The following SDK2 variants were observed in gnomAD, a reference collection of about 807,000 sequenced individuals.
SDK2 encodes protein sidekick-2.
A neutral mutation model predicts 253.9 loss-of-function variants in SDK2; 105 were observed. That is an observed-to-expected ratio of 0.41 (90% CI 0.35 to 0.49). The LOEUF is 0.49. Ranked by LOEUF, SDK2 falls within the 20% of genes least tolerant of loss-of-function variation. The pLI is 0.06. For synonymous variants in SDK2, 1,249 were observed against 1,234.9 expected (o/e 1.01, Z -0.24); for missense variants, 2,608 against 3,003.0 (o/e 0.87, Z 3.07).
At chr17:73,408,552 A>G (rs1183451324) in intron 18 of SDK2, among the ~76,000 whole-genome samples, 1 of 152,194 alleles carries the variant, frequency 6.6e-6, no homozygotes, top group Non-Finnish European at 1.5e-5. Context: ...CAAAAAATCA[A>G]ACCTGAATCA....
intron 12 of SDK2, among the ~76,000 whole-genome samples, chr17:73,425,669 G>A (rs1599554886): frequency 6.6e-6 from 1 of 152,102 alleles, no homozygotes; most frequent in Non-Finnish European, 1.5e-5. Flanking sequence ...CACCACGCCC[G>A]ACTAATTTTG....
At position 73,423,956 on chromosome 17, in the gene SDK2, C is replaced by A; in HGVS notation, c.1720G>T (p.Ala574Ser). ...GCACTGCGAGAGTCGTTGCCTCCTG[C>A]TGAGATCACCCGGCAGGTGTACGTG... Reference protein sequence around the residue: ...IGTYTCRVISAGGNDSRSAHL... With the variant: ...IGTYTCRVISSGGNDSRSAHL... Residue 574 changes from alanine (A) to serine (S), a missense_variant, in exon 13 of 45, where the codon GCA (alanine) becomes TCA (serine). Coordinates refer to ENST00000392650, the MANE Select transcript of SDK2 (RefSeq NM_001144952.2). The A allele has an allele frequency of 1.1e-5, 17 of 1,603,224 alleles. No homozygotes were observed. Among genetic ancestry groups the A allele is most frequent in the Non-Finnish European group, 1.4e-5 (17 of 1,175,388 alleles).
In SDK2 at chr17:73,431,508, C is replaced by T. The variant is rs376227214; in HGVS notation, c.1474G>A (p.Val492Ile). ...GVDEASADLV[V>I]WARTRITKPP... ...TGTGGCTCTGCACACTCACCCCAAACGACTAGGTCTGCTGAGGCCTCATCG... is the reference window on the plus strand; with the variant it reads ...TGTGGCTCTGCACACTCACCCCAAATGACTAGGTCTGCTGAGGCCTCATCG... Residue 492 changes from valine to isoleucine, a missense_variant, in exon 11 of 45, where the codon GTT becomes ATT. By Grantham distance (29) the Val-to-Ile change is conservative (BLOSUM62 3). This residue lies in a region of SDK2 where 1,505 missense variants were observed against 1,859.1 expected (regional missense o/e 0.81). Coordinates refer to ENST00000392650, the MANE Select transcript of SDK2 (RefSeq NM_001144952.2). The surrounding 1 kb of genome is among the most constrained non-coding windows in gnomAD (Gnocchi z 5.6). 117 of 1,610,610 alleles carry T rather than the reference C, an allele frequency of 7.3e-5. No homozygotes were observed. The highest frequency in any genetic ancestry group is 1.7e-4 in the Middle Eastern group (1 of 6,054).
Position 73,397,983 on chromosome 17 carries a change from A to G in SDK2, c.3354+52T>C, listed in dbSNP as rs187740645. On this transcript the variant is annotated intron_variant, in intron 24 of 44. Coordinates refer to ENST00000392650, the MANE Select transcript of SDK2 (RefSeq NM_001144952.2). The stretch of plus-strand genomic sequence containing the variant: ...TCTGATGTGCACCTTCTAGGAGGCA[A>G]TGACCAGAAGCTCATGGAGAGGTCC... The G allele has an allele frequency of 1.3e-4, 209 of 1,592,404 alleles. No individual in the cohort carries two copies. In the African/African-American group the frequency reaches 2.5e-3, roughly 19 times the overall value.
At chr17:73,347,740 G>C (rs1269205337) in intron 44 of SDK2, among the ~76,000 whole-genome samples, 1 of 151,626 alleles carries the variant, frequency 6.6e-6, no homozygotes, top group Admixed American at 6.6e-5. Flanking sequence ...GGTGAGGGTG[G>C]GAAGCTGTAA....
At chr17:73,433,084 C>T (rs557488161) in intron 10 of SDK2, among the ~76,000 whole-genome samples, 7 of 152,174 alleles carry the variant, frequency 4.6e-5, no homozygotes, top group East Asian at 1.9e-4. Context: ...CCTGGGCTTT[C>T]GGACTCCCAG....
intron 18 of SDK2, among the ~76,000 whole-genome samples, chr17:73,409,079 T>C (rs1006626258): frequency 9.8e-5 from 15 of 152,326 alleles, no homozygotes; most frequent in African/African-American, 2.9e-4. Context: ...GGGGCAGAGA[T>C]GGAACATACC....
intron 15 of SDK2, among the ~76,000 whole-genome samples, chr17:73,421,147 T>G (rs1568395350): frequency 6.6e-6 from 1 of 152,248 alleles, no homozygotes; most frequent in East Asian, 1.9e-4. Flanking sequence ...GTTCATTCCC[T>G]GTCCTCCCTC....
At chr17:73,632,655 C>A (rs1421751618) in intron 1 of SDK2, among the ~76,000 whole-genome samples, 4 of 152,168 alleles carry the variant, frequency 2.6e-5, no homozygotes, top group Non-Finnish European at 5.9e-5. Flanking sequence ...ACACATCTGT[C>A]TTGTTAGTTT....
chr17:73,636,049 A>G (rs1237010349), intron 1 of SDK2, among the ~76,000 whole-genome samples: 2 of 152,150 alleles, frequency 1.3e-5, no homozygotes, highest in African/African-American at 2.4e-5. Context: ...GTCTTCAAAC[A>G]GTACAATTGT....
intron 16 of SDK2, among the ~76,000 whole-genome samples, chr17:73,418,641 A>G (rs1437283104): frequency 1.3e-5 from 2 of 152,236 alleles, no homozygotes; most frequent in African/African-American, 2.4e-5. Context: ...GAACTTATGA[A>G]TACCACATTT....
rs769023735 is a variant in SDK2, at chr17:73,481,052, C to T, written c.225-8834G>A. Among the ~76,000 whole-genome samples the T allele has an allele frequency of 1.8e-4, 28 of 152,186 alleles. No homozygotes were observed. Among genetic ancestry groups the T allele is most frequent in the Non-Finnish European group, 3.7e-4 (25 of 68,020 alleles). ...CCTGGCTGGGAGGCTACAGGGCCGC[C>T]ATTTGAAGGGGAGGCAGCAGCCTCA... On this transcript the variant is annotated intron_variant, in intron 2 of 44. Transcript: ENST00000392650. The surrounding 1 kb of genome is among the most constrained non-coding windows in gnomAD (Gnocchi z 4.5).
chr17:73,615,702 G>A (rs780248877), intron 1 of SDK2, among the ~76,000 whole-genome samples: 11 of 152,216 alleles, frequency 7.2e-5, no homozygotes, highest in Non-Finnish European at 1.2e-4. Flanking sequence ...TGGGAAGACA[G>A]AGTGATGCAC....
chr17:73,490,662 G>A (rs2063800078), intron 2 of SDK2, among the ~76,000 whole-genome samples: 1 of 150,662 alleles, frequency 6.6e-6, no homozygotes, highest in Admixed American at 6.7e-5. Flanking sequence ...CTACAGGCAT[G>A]CACCACCACA....
rs8076926 is a variant in SDK2 at position 73,472,092 on chromosome 17, T to C, written c.331+20A>G. 1,633 of 1,534,782 alleles carry C rather than the reference T, an allele frequency of 1.1e-3. 12 individuals carry two copies. In the African/African-American group the frequency reaches 0.019, roughly 18 times the overall value. ...GCACCACAGTCGCCCCCCCTGCCCC[T>C]GGGTCCCCATTGTACTCACAGGCCA... On this transcript the variant is annotated intron_variant, in intron 3 of 44. Transcript: ENST00000392650.
intron 1 of SDK2, among the ~76,000 whole-genome samples, chr17:73,510,273 G>T (rs1038201574): frequency 6.6e-6 from 1 of 152,112 alleles, no homozygotes; most frequent in African/African-American, 2.4e-5. Flanking sequence ...CTGCTGCACA[G>T]CACCCCCAAA....
intron 1 of SDK2, among the ~76,000 whole-genome samples, chr17:73,559,633 C>A (rs965082818): frequency 1.4e-5 from 2 of 142,922 alleles, no homozygotes; most frequent in East Asian, 4.4e-4. Flanking sequence ...CACATGTCAC[C>A]ATACTGTGGC....
chr17:73,379,259 T>A lies in SDK2; in HGVS notation c.4898A>T (p.His1633Leu), dbSNP rs1008198239. Residue 1633 changes from histidine to leucine, a missense_variant, in exon 36 of 45, where the codon CAC becomes CTC. By Grantham distance (99) the His-to-Leu change is moderately conservative. Around this residue, in one of 2 missense-constraint regions of SDK2, gnomAD observed 1,103 missense variants for 1,143.9 expected, o/e 0.96. Transcript: ENST00000392650. The surrounding 1 kb of genome is among the most constrained non-coding windows in gnomAD (Gnocchi z 4.5). The part of the protein sequence containing the change: ...PTAAPRNVVV[H>L]GATATQLDVT... ...GTCCAGCTGTGTGGCCGTGGCGCCG[T>A]GGACGACCACGTTACGAGGTGCTGC... is the stretch of plus-strand genomic sequence containing the variant. 5.8e-6 allele frequency: 9 copies of A among 1,555,494 alleles called. No individual in the cohort carries two copies. The highest frequency in any genetic ancestry group is 4.4e-6 in the Non-Finnish European group (5 of 1,149,230).
intron 1 of SDK2, among the ~76,000 whole-genome samples, chr17:73,597,835 TG>T (rs1189686103): frequency 6.6e-6 from 1 of 151,992 alleles, no homozygotes; most frequent in East Asian, 1.9e-4. Flanking sequence ...TTAGTAGAGA[TG>T]GGGTTTCACT....
Sources: gnomAD v4.1 joint callset for allele counts (sites outside exome capture counted in the v4.1 genomes callset) on GRCh38, gnomAD v4.1.1 for gene constraint, gnomAD v4.1.1 regional missense constraint, Gnocchi (gnomAD v3.1) non-coding constraint, MANE v1.5 for transcripts, NCBI Gene and HGNC (gene_info 2026-07-23, HGNC 2026-07-21) for gene names.